The following TBX15 variants were observed in gnomAD, a reference collection of about 807,000 sequenced individuals.
TBX15 encodes the protein T-box transcription factor 15.
In TBX15, 18 loss-of-function variants were observed where a neutral mutation model predicts 53.9. That is an observed-to-expected ratio of 0.33 (90% CI 0.23 to 0.49). The LOEUF is 0.49. Among genes scored for constraint, TBX15 ranks in the 20% least tolerant of loss-of-function variants. The probability of loss-of-function intolerance (pLI) is 0.98; values close to 1 mark genes in which losing one functional copy is unlikely to be tolerated. For synonymous variants in TBX15, 295 were observed against 278.0 expected (o/e 1.06, Z -0.61); for missense variants, 692 against 749.5 (o/e 0.92, Z 0.90).
intron 1 of TBX15, among the ~76,000 whole-genome samples, chr1:118,968,397 G>T (rs1404708643): frequency 6.6e-6 from 1 of 151,984 alleles, no homozygotes; most frequent in Non-Finnish European, 1.5e-5. Flanking sequence ...AGTAGAGATG[G>T]GGTTTCACTA....
intron 5 of TBX15, 137 bp downstream of exon 5, chr1:118,923,299 T>C (rs1360158250): frequency 5.4e-6 from 6 of 1,102,254 alleles, no homozygotes; most frequent in African/African-American, 1.6e-5. Flanking sequence ...ACTCTAACAC[T>C]GTATAGTACT....
chr1:118,959,032 G>GAGAGAGAGAGAT (rs769141722), intron 1 of TBX15, among the ~76,000 whole-genome samples: 149 of 149,322 alleles, frequency 1.0e-3, no homozygotes, highest in Non-Finnish European at 1.5e-3. Context: ...ATCAGAGAGA[G>GAGAGAGAGAGAT]AGAGAGAGAG....
At chr1:118,973,785 C>T (rs1047257409) in intron 1 of TBX15, among the ~76,000 whole-genome samples, 7 of 152,124 alleles carry the variant, frequency 4.6e-5, no homozygotes, top group African/African-American at 1.7e-4. Context: ...CACACACACA[C>T]ACGCACACAC....
At chr1:118,953,079 G>GAA (rs60529520) in intron 1 of TBX15, among the ~76,000 whole-genome samples, 18,876 of 138,376 alleles carry the variant, frequency 0.14, 1,650 homozygotes, top group Non-Finnish European at 0.19. Context: ...AATAGTTTCT[G>GAA]AAAAAAAAAA....
chr1:118,893,995 G>A (rs1344643854), intron 7 of TBX15, among the ~76,000 whole-genome samples: 2 of 152,154 alleles, frequency 1.3e-5, no homozygotes, highest in African/African-American at 2.4e-5. Context: ...TCACCTTAAG[G>A]ATACTTGGCC....
rs1409523115 is a variant in TBX15, at chr1:118,893,356, G to GGAAGGAAGGAAAGAAAGAAA, written c.1024+5671_1024+5672insTTTCTTTCTTTCCTTCCTTC. ...AAGAAGGAAGGAAGGAAGGAAGGAA[G>GGAAGGAAGGAAAGAAAGAAA]GAAAGAAAGAAAGAAAGAAAGAAAG... On this transcript the variant is annotated intron_variant, in intron 7 of 7. Coordinates refer to ENST00000369429, the MANE Select transcript of TBX15 (RefSeq NM_001330677.2). 9.8e-5 allele frequency among the ~76,000 whole-genome samples: 5 copies of GGAAGGAAGGAAAGAAAGAAA among 51,060 alleles called. 1 individual carries two copies. The highest frequency in any genetic ancestry group is 4.8e-4 in the African/African-American group (4 of 8,346). The allele number at this position is 51,060 out of a possible 152,430, so 33.5% of individuals were successfully genotyped here. A position where few individuals can be genotyped will look rare whatever the true frequency, so the allele number is the denominator to read the frequency against.
At chr1:118,885,547 C>G in intron 7 of TBX15, 31 bp from the exon 8 acceptor site, 2 of 1,553,354 alleles carry the variant, frequency 1.3e-6, no homozygotes, top group Non-Finnish European at 1.7e-6. Context: ...ACTATTGAGA[C>G]AGAGTCTTTT....
chr1:118,912,113 C>G (rs1655046066), intron 6 of TBX15, among the ~76,000 whole-genome samples: 1 of 151,600 alleles, frequency 6.6e-6, no homozygotes, highest in African/African-American at 2.4e-5. Flanking sequence ...AATAAAAACT[C>G]AGAAAAACAA....
chr1:118,889,597 T>C (rs1005666899), intron 7 of TBX15, among the ~76,000 whole-genome samples: 2 of 152,168 alleles, frequency 1.3e-5, no homozygotes, highest in African/African-American at 4.8e-5. Context: ...GATGAGTGTG[T>C]TCTATAGGGT....
intron 1 of TBX15, among the ~76,000 whole-genome samples, chr1:118,957,497 T>A (rs1239493606): frequency 6.6e-6 from 1 of 152,148 alleles, no homozygotes. Flanking sequence ...ATACTTTAAG[T>A]TTTAGGGTAC....
intron 7 of TBX15, among the ~76,000 whole-genome samples, chr1:118,889,348 T>C (rs867422235): frequency 6.6e-6 from 1 of 152,138 alleles, no homozygotes; most frequent in Non-Finnish European, 1.5e-5. Context: ...AAGTGCAAAA[T>C]GAGCACAAAG....
chr1:118,891,899 T>C (rs193085866), intron 7 of TBX15, among the ~76,000 whole-genome samples: 98 of 152,298 alleles, frequency 6.4e-4, no homozygotes, highest in African/African-American at 2.2e-3. Flanking sequence ...CCATTTGGGT[T>C]TTATTTTATT....
At chr1:118,897,732 G>T (rs576162121) in intron 7 of TBX15, among the ~76,000 whole-genome samples, 1 of 152,194 alleles carries the variant, frequency 6.6e-6, no homozygotes, top group South Asian at 2.1e-4. Flanking sequence ...TCTCTTAATG[G>T]CCATCCGTGA....
At chr1:118,897,944 T>G (rs1195709247) in intron 7 of TBX15, among the ~76,000 whole-genome samples, 2 of 152,182 alleles carry the variant, frequency 1.3e-5, no homozygotes, top group Non-Finnish European at 2.9e-5. Flanking sequence ...CAACTTTGCT[T>G]AAGTGTCTAC....
rs1456808475 is a variant in TBX15 at position 118,885,354 on chromosome 1, A to G, written c.1187T>C (p.Leu396Pro). 20 of 1,614,008 alleles carry G rather than the reference A, an allele frequency of 1.2e-5. No homozygotes were observed. The highest frequency in any genetic ancestry group is 1.7e-5 in the Non-Finnish European group (20 of 1,180,028). The change falls in exon 8 of 8, where the codon CTC becomes CCC. Residue 396 changes from leucine to proline, a missense_variant. Physicochemically the swap from Leu to Pro is moderately conservative, Grantham distance 98. Around this residue, in one of 3 missense-constraint regions of TBX15, gnomAD observed 375 missense variants for 371.6 expected, o/e 1.01. Transcript: ENST00000369429. ...CRESQLCNLN[L>P]SDYPPCARSN... is the part of the protein sequence containing the mutation. ...TCGGGCACATGGTGGATAATCAGAG[A>G]GGTTTAGATTACACAGCTGGCTTTC...
At chr1:118,966,974 A>G (rs979694774) in intron 1 of TBX15, among the ~76,000 whole-genome samples, 1 of 152,244 alleles carries the variant, frequency 6.6e-6, no homozygotes, top group African/African-American at 2.4e-5. Context: ...AGCACAGACA[A>G]AAGCCAAAAC....
chr1:118,931,480 A>T (rs1451382062), intron 2 of TBX15, 139 bp downstream of exon 2: 10 of 867,586 alleles, frequency 1.2e-5, no homozygotes, highest in Admixed American at 4.1e-5. Flanking sequence ...CTTTACCAAG[A>T]TGTCCAAATG....
At chr1:118,911,343 C>T (rs1215215938) in intron 6 of TBX15, among the ~76,000 whole-genome samples, 2 of 152,136 alleles carry the variant, frequency 1.3e-5, no homozygotes, top group Non-Finnish European at 2.9e-5. Context: ...GAAGAATTCC[C>T]ATGGTATCAG....
intron 6 of TBX15, among the ~76,000 whole-genome samples, chr1:118,908,053 T>G (rs1231995731): frequency 6.6e-6 from 1 of 152,142 alleles, no homozygotes; most frequent in Non-Finnish European, 1.5e-5. Flanking sequence ...CCATTAATCT[T>G]TAAACTAAGC....
Sources: gnomAD v4.1 joint callset for allele counts (sites outside exome capture counted in the v4.1 genomes callset) on GRCh38, gnomAD v4.1.1 for gene constraint, gnomAD v4.1.1 regional missense constraint, MANE v1.5 for transcripts, NCBI Gene and HGNC (gene_info 2026-07-23, HGNC 2026-07-21) for gene names.